The following B3GLCT variants were observed in gnomAD, a reference collection of about 807,000 sequenced individuals.
B3GLCT encodes the protein beta-1,3-glucosyltransferase.
In B3GLCT, 65 loss-of-function variants were observed where a neutral mutation model predicts 63.4. The ratio of observed to expected loss-of-function variants is 1.03; its 90% CI spans 0.84 to 1.26. The LOEUF (loss-of-function observed/expected upper bound fraction) is 1.26, where lower values mean the gene tolerates loss of function less well. B3GLCT is among the 50% of genes most tolerant of loss of function. The pLI, the probability that B3GLCT is intolerant of heterozygous loss-of-function variation, is 0.00. For missense variants in B3GLCT, 577 were observed against 604.8 expected, an observed-to-expected ratio of 0.95 and a Z score of 0.48; for synonymous variants, 233 against 219.2, an observed-to-expected ratio of 1.06 and a Z score of -0.55.
At chr13:31,239,233 C>T (rs1870810076) in intron 4 of B3GLCT, among the ~76,000 whole-genome samples, 3 of 151,948 alleles carry the variant, frequency 2.0e-5, no homozygotes, top group South Asian at 2.1e-4. Context: ...CTGATGACTA[C>T]GGCTTCCTAA....
At chr13:31,243,823 A>G (rs1185897145) in intron 4 of B3GLCT, among the ~76,000 whole-genome samples, 1 of 152,242 alleles carries the variant, frequency 6.6e-6, no homozygotes, top group Non-Finnish European at 1.5e-5. Flanking sequence ...GTGGATGCTG[A>G]TAAAGGCAGA....
chr13:31,294,861 AGTT>A (rs1432415242), intron 12 of B3GLCT, among the ~76,000 whole-genome samples: 1 of 151,568 alleles, frequency 6.6e-6, no homozygotes, highest in Admixed American at 6.6e-5. Context: ...GCTGGTGAAG[AGTT>A]GTTATCCTTG....
chr13:31,321,798 A>G (rs1211816735), intron 13 of B3GLCT, among the ~76,000 whole-genome samples: 3 of 151,912 alleles, frequency 2.0e-5, no homozygotes, highest in East Asian at 1.9e-4. Flanking sequence ...TGCTTACTCC[A>G]TGAAAGTTTT....
chr13:31,276,672 T>C (rs747454787), intron 9 of B3GLCT, 30 bp from the exon 10 acceptor site: 5 of 1,371,030 alleles, frequency 3.6e-6, no homozygotes, highest in South Asian at 3.5e-5. Context: ...GACTCACATA[T>C]GCATACATTT....
chr13:31,276,852 G>A lies in B3GLCT; in HGVS notation c.850+81G>A, dbSNP rs4065552. On this transcript the variant is annotated intron_variant, in intron 10 of 14. Transcript: ENST00000343307. ...GAAAAGTACCAATGAATTCTTGAGT[G>A]TAAATTCAGAAAAGGGATAATGACA... 0.69 allele frequency: 717,004 copies of A among 1,037,500 alleles called. 252,064 individuals carry two copies. The highest frequency in any genetic ancestry group is 0.75 in the Admixed American group (42,341 of 56,506). 64.3% of individuals were successfully genotyped at this position (1,037,500 alleles called of 1,614,324 possible).
intron 14 of B3GLCT, among the ~76,000 whole-genome samples, chr13:31,328,692 CAAAAAAAAA>C (rs34729471): frequency 8.8e-5 from 4 of 45,432 alleles, no homozygotes; most frequent in East Asian, 1.5e-3. Flanking sequence ...AACTCCATCT[CAAAAAAAAA>C]AAAAAAAAAA....
intron 12 of B3GLCT, among the ~76,000 whole-genome samples, chr13:31,297,309 A>G (rs540897383): frequency 1.1e-4 from 16 of 151,050 alleles, no homozygotes; most frequent in Non-Finnish European, 2.2e-4. Context: ...TCCATTTTAC[A>G]TTCCTACCAG....
intron 11 of B3GLCT, among the ~76,000 whole-genome samples, chr13:31,285,604 TAAAAAAAA>T (rs11339832): frequency 2.0e-4 from 17 of 84,212 alleles, no homozygotes; most frequent in Non-Finnish European, 2.8e-4. Flanking sequence ...CTTTTATGAG[TAAAAAAAA>T]AAAAAAAAAA....
intron 6 of B3GLCT, among the ~76,000 whole-genome samples, chr13:31,249,557 A>G (rs967320403): frequency 7.9e-5 from 12 of 152,060 alleles, no homozygotes; most frequent in African/African-American, 2.9e-4. Context: ...TTATTTTTCC[A>G]TTATCCATAG....
At chr13:31,300,869 A>T (rs1046468294) in intron 12 of B3GLCT, among the ~76,000 whole-genome samples, 43 of 152,170 alleles carry the variant, frequency 2.8e-4, no homozygotes, top group African/African-American at 1.0e-3. Context: ...CCCTCCCCTG[A>T]TCCTAATCTT....
At chr13:31,320,159 G>T (rs974400746) in intron 13 of B3GLCT, among the ~76,000 whole-genome samples, 1 of 152,178 alleles carries the variant, frequency 6.6e-6, no homozygotes, top group African/African-American at 2.4e-5. Flanking sequence ...AAGCAGATCT[G>T]GTCCTGTCTC....
At chr13:31,208,473 C>G (rs140743887) in intron 1 of B3GLCT, among the ~76,000 whole-genome samples, 3 of 152,116 alleles carry the variant, frequency 2.0e-5, no homozygotes, top group East Asian at 1.9e-4. Flanking sequence ...TCTGCACTTG[C>G]GTATCCTCAG....
chr13:31,227,236 A>C (rs914802836), intron 3 of B3GLCT, among the ~76,000 whole-genome samples: 6 of 152,156 alleles, frequency 3.9e-5, no homozygotes, highest in African/African-American at 1.4e-4. Context: ...CACTTTTGTC[A>C]TATATCCTTG....
At chr13:31,292,640 T>C (rs1873727439) in intron 12 of B3GLCT, among the ~76,000 whole-genome samples, 1 of 152,140 alleles carries the variant, frequency 6.6e-6, no homozygotes, top group Non-Finnish European at 1.5e-5. Context: ...TGTATTTCTG[T>C]GGGATCAGTG....
intron 7 of B3GLCT, among the ~76,000 whole-genome samples, chr13:31,265,390 G>T (rs1200000604): frequency 6.6e-6 from 1 of 152,288 alleles, no homozygotes; most frequent in East Asian, 1.9e-4. Context: ...AAGAAGGCCA[G>T]TCCAGGAATG....
At chr13:31,288,833 A>G (rs1873488277) in intron 12 of B3GLCT, among the ~76,000 whole-genome samples, 1 of 152,166 alleles carries the variant, frequency 6.6e-6, no homozygotes, top group South Asian at 2.1e-4. Context: ...GGAAACATGA[A>G]AAAGCAAGAA....
At chr13:31,327,104 C>A (rs1028747) in intron 14 of B3GLCT, among the ~76,000 whole-genome samples, 116,618 of 152,138 alleles carry the variant, frequency 0.77, 45,102 homozygotes, top group East Asian at 0.99. Flanking sequence ...GAAACCTTGG[C>A]TATACTGAAC....
Position 31,200,283 on chromosome 13 carries a change from C to A in B3GLCT, c.70+129C>A, listed in dbSNP as rs867060776. On this transcript the variant is annotated intron_variant, in intron 1 of 14. Coordinates refer to ENST00000343307, the MANE Select transcript of B3GLCT (RefSeq NM_194318.4). ...CCCTGCCCCGCCGGCGCGCGCGTCC[C>A]GCCGTCCGGTCCCCGCCGCGCCGCG... The A allele has an allele frequency of 1.4e-5, 5 of 363,676 alleles. No homozygotes were observed. The South Asian group carries it at 3.3e-4, about 24-fold the overall frequency. The allele number at this position is 363,676 out of a possible 1,614,324, so 22.5% of individuals were successfully genotyped here.
At chr13:31,313,712 G>A (rs760542080) in intron 12 of B3GLCT, among the ~76,000 whole-genome samples, 9 of 152,160 alleles carry the variant, frequency 5.9e-5, no homozygotes, top group South Asian at 2.1e-4. Flanking sequence ...AAGTCAAGCC[G>A]GCTGCAGAAA....
Sources: allele counts gnomAD v4.1 joint callset (sites outside exome capture counted in the v4.1 genomes callset), GRCh38; gene constraint gnomAD v4.1.1; transcripts MANE v1.5; gene names NCBI Gene and HGNC (gene_info 2026-07-23, HGNC 2026-07-21).